The following SYNE3 variants were observed in gnomAD, a reference collection of about 807,000 sequenced individuals.
SYNE3 encodes the protein nesprin-3.
In SYNE3, 100 loss-of-function variants were observed where a neutral mutation model predicts 111.2. That is an observed-to-expected ratio of 0.90 (90% CI 0.77 to 1.06). The LOEUF (loss-of-function observed/expected upper bound fraction) is 1.06. Ranked by LOEUF, SYNE3 falls within the 50% of genes least tolerant of loss-of-function variation. The pLI, the probability that SYNE3 is intolerant of heterozygous loss-of-function variation, is 0.00. For missense variants in SYNE3, 1,160 were observed against 1,240.3 expected, an observed-to-expected ratio of 0.94 and a Z score of 0.97; for synonymous variants, 547 against 533.9, an observed-to-expected ratio of 1.02 and a Z score of -0.34.
At chr14:95,455,355 T>C (rs1211844881) in intron 6 of SYNE3, 22 bp downstream of exon 6, 9 of 1,509,974 alleles carry the variant, frequency 6.0e-6, no homozygotes. Context: ...CTGGGCTCCA[T>C]GACTCGGCCA....
At chr14:95,422,453 C>A (rs988114165) in intron 17 of SYNE3, among the ~76,000 whole-genome samples, 1 of 152,132 alleles carries the variant, frequency 6.6e-6, no homozygotes, top group East Asian at 1.9e-4. Flanking sequence ...ACTCCAGAGC[C>A]CAGGCTCTTC....
chr14:95,515,526 C>T (rs567502588), intron 1 of SYNE3, among the ~76,000 whole-genome samples: 4 of 152,320 alleles, frequency 2.6e-5, no homozygotes, highest in East Asian at 3.9e-4. Context: ...GGATGAAGGA[C>T]GCTGTCCTGC....
chr14:95,495,167 G>C (rs1334292850), intron 1 of SYNE3, among the ~76,000 whole-genome samples: 1 of 152,192 alleles, frequency 6.6e-6, no homozygotes, highest in African/African-American at 2.4e-5. Context: ...GGTTCAGATA[G>C]AAGGGTCTTT....
intron 12 of SYNE3, 21 bp from the exon 13 acceptor site, chr14:95,439,805 C>T: frequency 6.2e-7 from 1 of 1,603,128 alleles, no homozygotes; most frequent in African/African-American, 1.3e-5. Flanking sequence ...CACGGACACA[C>T]AGACACACAC....
chr14:95,488,105 A>C (rs1889640689), intron 1 of SYNE3, among the ~76,000 whole-genome samples: 1 of 152,242 alleles, frequency 6.6e-6, no homozygotes, highest in African/African-American at 2.4e-5. Context: ...ACAACATACA[A>C]AGTATGTATT....
At chr14:95,449,680 A>G (rs1419709004) in intron 8 of SYNE3, 4 of 985,298 alleles carry the variant, frequency 4.1e-6, no homozygotes, top group Non-Finnish European at 3.6e-6. Context: ...TCCACCTGGG[A>G]GATGCTTGCG....
intron 9 of SYNE3, among the ~76,000 whole-genome samples, chr14:95,444,981 C>T (rs943297880): frequency 6.6e-6 from 1 of 152,230 alleles, no homozygotes; most frequent in East Asian, 1.9e-4. Context: ...TGAGGAGCTG[C>T]GACAGCGACT....
chr14:95,473,321 C>T (rs1461160661), intron 2 of SYNE3, among the ~76,000 whole-genome samples: 3 of 151,966 alleles, frequency 2.0e-5, no homozygotes, highest in Non-Finnish European at 2.9e-5. Context: ...TTGCTTAAAC[C>T]AGAACCACCA....
chr14:95,421,813 C>A (rs563458925), intron 17 of SYNE3, among the ~76,000 whole-genome samples: 1 of 152,210 alleles, frequency 6.6e-6, no homozygotes, highest in Admixed American at 6.5e-5. Context: ...AAGACCCTCA[C>A]GTCCTATCGC....
At chr14:95,424,968 A>G (rs1885350884) in intron 17 of SYNE3, among the ~76,000 whole-genome samples, 1 of 152,254 alleles carries the variant, frequency 6.6e-6, no homozygotes, top group Non-Finnish European at 1.5e-5. Context: ...GGCCTGGCAC[A>G]GTGGCTCATG....
Position 95,417,400 on chromosome 14 carries a change from G to C in SYNE3, c.*426C>G. Reference sequence around the variant, plus strand: ...GCCTTTCATTACATCTGAATTCTGGGATTCGCTTTGGAGAAGAGGTTGCCA... The same window carrying C: ...GCCTTTCATTACATCTGAATTCTGGCATTCGCTTTGGAGAAGAGGTTGCCA... On this transcript the variant is annotated 3_prime_UTR_variant, in exon 18 of 18. Transcript: ENST00000682763. 4.2e-6 allele frequency: 1 copy of C among 239,252 alleles called. No individual in the cohort carries two copies. The highest frequency in any genetic ancestry group is 2.2e-5 in the African/African-American group (1 of 45,336). The allele number at this position is 239,252 out of a possible 1,614,324, so 14.8% of individuals were successfully genotyped here.
intron 1 of SYNE3, among the ~76,000 whole-genome samples, chr14:95,478,719 A>T (rs979523927): frequency 3.9e-5 from 6 of 152,234 alleles, no homozygotes; most frequent in African/African-American, 1.4e-4. Context: ...CTCGGGCCAC[A>T]TACAGTCTCT....
At chr14:95,460,800 C>T (rs1356421034) in intron 4 of SYNE3, among the ~76,000 whole-genome samples, 1 of 152,186 alleles carries the variant, frequency 6.6e-6, no homozygotes, top group Non-Finnish European at 1.5e-5. Context: ...CAAAGTGGGT[C>T]AGGAGTAACA....
rs574823291 is a variant in SYNE3, at chr14:95,478,007, C to T, written c.-14-2172G>A. ...CGTGGCTCTAATCATCAAGAGGCAG[C>T]GAGGCTTTAGAGCACCCCTTCTTGT... On this transcript the variant is annotated intron_variant, in intron 1 of 17. Coordinates refer to ENST00000682763, the MANE Select transcript of SYNE3 (RefSeq NM_152592.6). 2.6e-5 allele frequency among the ~76,000 whole-genome samples: 4 copies of T among 152,230 alleles called. No homozygotes were observed. In the South Asian group the frequency reaches 6.2e-4, roughly 24 times the overall value.
At chr14:95,425,985 A>T (rs1885408752) in intron 17 of SYNE3, among the ~76,000 whole-genome samples, 1 of 152,172 alleles carries the variant, frequency 6.6e-6, no homozygotes, top group Non-Finnish European at 1.5e-5. Context: ...ATGTGATAAG[A>T]ACAGCAGTTC....
In SYNE3 at chr14:95,443,350, C is replaced by A. The variant is rs190759974; in HGVS notation, c.1777-61G>T. ...CCACCTCTCCCTCCCTTGGGGTGGC[C>A]GATCAGGGCAGAGCCTCTGAGTGGG... On this transcript the variant is annotated intron_variant, in intron 10 of 17. Coordinates refer to ENST00000682763, the MANE Select transcript of SYNE3 (RefSeq NM_152592.6). The A allele has an allele frequency of 1.2e-5, 19 of 1,602,228 alleles. No homozygotes were observed. In the African/African-American group the frequency reaches 2.0e-4, roughly 17 times the overall value.
chr14:95,478,473 C>T (rs1198407232), intron 1 of SYNE3, among the ~76,000 whole-genome samples: 1 of 152,156 alleles, frequency 6.6e-6, no homozygotes, highest in African/African-American at 2.4e-5. Context: ...TACCAGACTG[C>T]TCTGGGTCCT....
intron 17 of SYNE3, among the ~76,000 whole-genome samples, chr14:95,421,236 G>A (rs1029537546): frequency 1.6e-4 from 24 of 152,276 alleles, no homozygotes; most frequent in Admixed American, 1.4e-3. Context: ...GGGAAGCAGG[G>A]GTTGATGAGC....
At chr14:95,432,819 G>A (rs918976972) in intron 16 of SYNE3, among the ~76,000 whole-genome samples, 5 of 152,030 alleles carry the variant, frequency 3.3e-5, no homozygotes, top group Admixed American at 1.3e-4. Flanking sequence ...TACAACACAC[G>A]GGTGTGTCTG....
Sources: gnomAD v4.1 joint callset for allele counts (sites outside exome capture counted in the v4.1 genomes callset) on GRCh38, gnomAD v4.1.1 for gene constraint, MANE v1.5 for transcripts, NCBI Gene and HGNC (gene_info 2026-07-23, HGNC 2026-07-21) for gene names.